The following DSCAM variants were observed in gnomAD, a reference collection of about 807,000 sequenced individuals.
DSCAM encodes DS cell adhesion molecule, also known as cell adhesion molecule DSCAM.
A neutral mutation model predicts 217.7 loss-of-function variants in DSCAM; 47 were observed. That is an observed-to-expected ratio of 0.22 (90% CI 0.17 to 0.28). The LOEUF (loss-of-function observed/expected upper bound fraction) is 0.28, where lower values mean the gene tolerates loss of function less well. DSCAM is among the 10% of genes least tolerant of loss of function. The pLI, the probability that DSCAM is intolerant of heterozygous loss-of-function variation, is 1.00. For synonymous variants in DSCAM, 1,056 were observed against 1,015.3 expected (o/e 1.04, Z -0.76); for missense variants, 2,080 against 2,618.3 (o/e 0.79, Z 4.49).
chr21:40,126,258 G>T (rs1305461300), intron 19 of DSCAM, among the ~76,000 whole-genome samples: 1 of 150,472 alleles, frequency 6.6e-6, no homozygotes, highest in Non-Finnish European at 1.5e-5. Flanking sequence ...AGAAAGGAAA[G>T]AGGGAAGAAA....
intron 3 of DSCAM, among the ~76,000 whole-genome samples, chr21:40,370,941 C>T (rs995547476): frequency 1.3e-5 from 2 of 152,054 alleles, no homozygotes; most frequent in African/African-American, 4.8e-5. Flanking sequence ...CCACCATGCC[C>T]AGCCTAAAAA....
intron 3 of DSCAM, among the ~76,000 whole-genome samples, chr21:40,627,588 A>G (rs182531242): frequency 1.6e-3 from 245 of 152,344 alleles, no homozygotes; most frequent in Non-Finnish European, 3.1e-3. Flanking sequence ...GAAATACAAC[A>G]AAAGCAAAAC....
intron 3 of DSCAM, among the ~76,000 whole-genome samples, chr21:40,649,663 T>G (rs2089990483): frequency 6.6e-6 from 1 of 151,600 alleles, no homozygotes; most frequent in South Asian, 2.1e-4. Flanking sequence ...GTAGTTCACA[T>G]TAGGGGAGGT....
chr21:40,040,392 AC>A (rs1271043061), intron 32 of DSCAM, among the ~76,000 whole-genome samples: 4 of 152,178 alleles, frequency 2.6e-5, no homozygotes, highest in Non-Finnish European at 5.9e-5. Flanking sequence ...ACAAGCTTCA[AC>A]CCTGTAATTA....
intron 1 of DSCAM, among the ~76,000 whole-genome samples, chr21:40,844,079 T>A (rs1687688757): frequency 6.6e-6 from 1 of 152,142 alleles, no homozygotes. Context: ...CATTCAGAAA[T>A]TTTTCAAAGT....
At chr21:40,078,590 A>G in intron 26 of DSCAM, 97 bp downstream of exon 26, 1 of 1,505,856 alleles carries the variant, frequency 6.6e-7, no homozygotes. Context: ...GCACTGGTCA[A>G]ACTATGGCAA....
chr21:40,338,891 T>C lies in DSCAM; in HGVS notation c.1507+228A>G, dbSNP rs574075564. Among the ~76,000 whole-genome samples the C allele has an allele frequency of 7.2e-5, 11 of 152,194 alleles. No homozygotes were observed. The South Asian group carries it at 2.3e-3, about 32-fold the overall frequency. Reference sequence around the variant, plus strand: ...ATAAACCAGGAAAGGAAACATCAGGTGAACAGATCTAGAGTAAAAAAGAAC... The same window carrying C: ...ATAAACCAGGAAAGGAAACATCAGGCGAACAGATCTAGAGTAAAAAAGAAC... On this transcript the variant is annotated intron_variant, in intron 7 of 32. Coordinates refer to ENST00000400454, the MANE Select transcript of DSCAM (RefSeq NM_001389.5).
At chr21:40,562,818 A>G (rs929159909) in intron 3 of DSCAM, among the ~76,000 whole-genome samples, 1 of 152,154 alleles carries the variant, frequency 6.6e-6, no homozygotes, top group African/African-American at 2.4e-5. Context: ...CCTGGCTGCA[A>G]TGCTCACAAA....
chr21:40,152,128 C>CA (rs200640095), intron 16 of DSCAM, among the ~76,000 whole-genome samples: 1 of 111,370 alleles, frequency 9.0e-6, no homozygotes, highest in Non-Finnish European at 2.2e-5. Context: ...AAAAAAAAAA[C>CA]ACAAAAAAAA....
intron 9 of DSCAM, among the ~76,000 whole-genome samples, chr21:40,306,854 T>C (rs376914066): frequency 2.0e-5 from 3 of 152,020 alleles, no homozygotes; most frequent in Admixed American, 6.5e-5. Flanking sequence ...CAGTATTTTA[T>C]TGAGGATTTT....
At chr21:40,638,347 A>G (rs755315496) in intron 3 of DSCAM, among the ~76,000 whole-genome samples, 7 of 152,324 alleles carry the variant, frequency 4.6e-5, no homozygotes, top group South Asian at 4.1e-4. Context: ...CATAACTTTA[A>G]CAAATGCAAT....
intron 11 of DSCAM, chr21:40,212,544 T>C (rs371684752): frequency 6.5e-5 from 10 of 153,406 alleles, no homozygotes; most frequent in South Asian, 2.1e-4. Flanking sequence ...TTCTATCTTG[T>C]TTTTCACCAT....
chr21:40,767,806 TGA>T (rs1056572306), intron 1 of DSCAM, among the ~76,000 whole-genome samples: 2 of 151,674 alleles, frequency 1.3e-5, no homozygotes, highest in African/African-American at 4.8e-5. Context: ...TCAGGATCTT[TGA>T]GAGGTAGAAC....
chr21:40,817,977 T>C (rs2091895225), intron 1 of DSCAM, among the ~76,000 whole-genome samples: 1 of 150,452 alleles, frequency 6.6e-6, no homozygotes, highest in Non-Finnish European at 1.5e-5. Context: ...GCGCCTGTAG[T>C]CCCAGCTACT....
intron 8 of DSCAM, among the ~76,000 whole-genome samples, chr21:40,333,506 AG>A (rs2074398051): frequency 1.3e-5 from 2 of 152,164 alleles, no homozygotes; most frequent in South Asian, 4.1e-4. Flanking sequence ...CTAGGATTAC[AG>A]GTGTGTGCCA....
chr21:40,502,573 G>A (rs928086856), intron 3 of DSCAM, among the ~76,000 whole-genome samples: 3 of 151,984 alleles, frequency 2.0e-5, no homozygotes, highest in South Asian at 2.1e-4. Flanking sequence ...CAAACCCCTC[G>A]GTTCATGGTC....
At chr21:40,548,456 A>C (rs574631218) in intron 3 of DSCAM, among the ~76,000 whole-genome samples, 132 of 152,174 alleles carry the variant, frequency 8.7e-4, no homozygotes, top group Non-Finnish European at 1.6e-3. Flanking sequence ...ACCCGTGAGC[A>C]ATTTACAATC....
chr21:40,120,552 A>G (rs2090022124), intron 20 of DSCAM, among the ~76,000 whole-genome samples: 1 of 152,204 alleles, frequency 6.6e-6, no homozygotes, highest in Non-Finnish European at 1.5e-5. Context: ...CTTATAATAG[A>G]TTGTTTGATC....
intron 3 of DSCAM, among the ~76,000 whole-genome samples, chr21:40,629,116 T>A (rs1473414709): frequency 8.0e-6 from 1 of 124,658 alleles, no homozygotes; most frequent in Non-Finnish European, 1.7e-5. Context: ...TGTGTGTGTG[T>A]GTGATATTAC....
Sources: allele counts gnomAD v4.1 joint callset (sites outside exome capture counted in the v4.1 genomes callset), GRCh38; gene constraint gnomAD v4.1.1; transcripts MANE v1.5; gene names NCBI Gene and HGNC (gene_info 2026-07-23, HGNC 2026-07-21).